The following RBM41 variants were observed in gnomAD, a reference collection of about 807,000 sequenced individuals.
RBM41 encodes the protein RNA binding motif protein 41.
Under a neutral mutation model 30.8 loss-of-function variants are expected in RBM41, and 14 were observed. The observed-to-expected ratio is 0.45, with a 90% CI of 0.30 to 0.71. The LOEUF (loss-of-function observed/expected upper bound fraction) is 0.71, where lower values mean the gene tolerates loss of function less well. Ranked by LOEUF, RBM41 falls within the 30% of genes least tolerant of loss-of-function variation. The pLI is 0.08. For synonymous variants in RBM41, 120 were observed against 110.1 expected (o/e 1.09, Z -0.56); for missense variants, 276 against 326.3 (o/e 0.85, Z 1.19).
In RBM41 at chrX:107,062,842, A is replaced by G. The variant is rs772598561; in HGVS notation, c.*4685T>C. ...TATACATAAATGAATGCTTTTGCAT[A>G]AAAATGTATTCATACTATACATATT... is the stretch of plus-strand genomic sequence containing the variant. On this transcript the variant is annotated 3_prime_UTR_variant, in exon 8 of 8. Coordinates refer to ENST00000685964, the MANE Select transcript of RBM41 (RefSeq NM_001324242.2). 2.7e-5 allele frequency among the ~76,000 whole-genome samples: 3 copies of G among 112,167 alleles called. No homozygotes were observed. In the Admixed American group the frequency reaches 2.8e-4, roughly 11 times the overall value.
chrX:107,092,267 CAA>C (rs541073895), intron 5 of RBM41, among the ~76,000 whole-genome samples: 1 of 86,878 alleles, frequency 1.2e-5, no homozygotes. Flanking sequence ...AGAGATGGAC[CAA>C]AAAAAAAAAA....
In RBM41 at chrX:107,106,052, G is replaced by A. The variant is rs1310481600; in HGVS notation, c.595+7345C>T. ...TTAAACTAAAGAGCTTCTGTACAGC[G>A]AAAGAAACTACCATCAGAGTGAACA... is the stretch of plus-strand genomic sequence containing the variant. On this transcript the variant is annotated intron_variant, in intron 5 of 7. Transcript: ENST00000685964. Among the ~76,000 whole-genome samples the A allele has an allele frequency of 1.1e-4, 12 of 111,393 alleles. No individual in the cohort carries two copies. In the East Asian group the frequency reaches 1.1e-3, roughly 10 times the overall value.
intron 5 of RBM41, among the ~76,000 whole-genome samples, chrX:107,089,342 A>G (rs1922317673): frequency 8.9e-6 from 1 of 111,945 alleles, no homozygotes; most frequent in African/African-American, 3.2e-5. Context: ...TTGATTAAAT[A>G]AACTACATTT....
At chrX:107,100,708 A>C (rs1923381739) in intron 5 of RBM41, among the ~76,000 whole-genome samples, 1 of 110,986 alleles carries the variant, frequency 9.0e-6, no homozygotes, top group South Asian at 3.8e-4. Context: ...ATTAAAGTTG[A>C]AGACAATGTG....
chrX:107,070,581 G>A (rs769023827), intron 6 of RBM41, among the ~76,000 whole-genome samples: 30 of 111,478 alleles, frequency 2.7e-4, no homozygotes, highest in Non-Finnish European at 4.7e-4. Context: ...TATAAAGTTG[G>A]GCATGGATTA....
the RBM41 span, among the ~76,000 whole-genome samples, chrX:107,056,880 C>CT: frequency 0.06 from 4,951 of 82,103 alleles, 361 homozygotes; most frequent in African/African-American, 0.22. Flanking sequence ...TAACTATTAT[C>CT]TTTTTTTTTT....
In RBM41 at chrX:107,116,844, T is replaced by C. The variant is rs984870984; in HGVS notation, c.9-78A>G. On this transcript the variant is annotated intron_variant, in intron 1 of 7. Coordinates refer to ENST00000685964, the MANE Select transcript of RBM41 (RefSeq NM_001324242.2). ...AAATATATTCCTTATCTATATTATC[T>C]ACCATTACTGACCCCATTTATTCAA... 4 of 957,966 alleles carry C rather than the reference T, an allele frequency of 4.2e-6. No homozygotes were observed. The African/African-American group carries it at 7.7e-5, about 18-fold the overall frequency. 78.9% of individuals were successfully genotyped at this position (957,966 alleles called of 1,213,427 possible). A position where few individuals can be genotyped will look rare whatever the true frequency, so the allele number is the denominator to read the frequency against.
intron 6 of RBM41, among the ~76,000 whole-genome samples, chrX:107,079,119 T>C (rs181851584): frequency 9.0e-6 from 1 of 111,526 alleles, no homozygotes; most frequent in Admixed American, 9.5e-5. Context: ...TACTGGTGTG[T>C]CCTTTCATTT....
chrX:107,109,006 T>C (rs1308204433), intron 5 of RBM41, among the ~76,000 whole-genome samples: 1 of 111,616 alleles, frequency 9.0e-6, no homozygotes, highest in Admixed American at 9.5e-5. Context: ...TTAATATAAT[T>C]GAAATTAAGT....
At chrX:107,079,812 A>T (rs898270064) in intron 6 of RBM41, among the ~76,000 whole-genome samples, 1 of 111,773 alleles carries the variant, frequency 8.9e-6, no homozygotes, top group Non-Finnish European at 1.9e-5. Flanking sequence ...AACCCTTGGC[A>T]GTCATTTATC....
At chrX:107,102,222 TAA>T (rs1923524660) in intron 5 of RBM41, among the ~76,000 whole-genome samples, 1 of 111,639 alleles carries the variant, frequency 9.0e-6, no homozygotes, top group African/African-American at 3.3e-5. Flanking sequence ...AAGTTTAACT[TAA>T]AAGTGACAAA....
intron 2 of RBM41, 115 bp from the exon 3 acceptor site, chrX:107,116,169 A>T: frequency 1.0e-6 from 1 of 1,002,226 alleles, no homozygotes. Context: ...TTTCTCTTAC[A>T]TCTTATTTCT....
At chrX:107,069,544 T>G in intron 6 of RBM41, 142 bp from the exon 7 acceptor site, 1 of 635,959 alleles carries the variant, frequency 1.6e-6, no homozygotes, top group Admixed American at 4.2e-5. Context: ...AACCTTGGCC[T>G]CCCAGGCTCA....
chrX:107,063,628 A>G lies in RBM41; in HGVS notation c.*3899T>C, dbSNP rs886311590. On this transcript the variant is annotated 3_prime_UTR_variant, in exon 8 of 8. Coordinates refer to ENST00000685964, the MANE Select transcript of RBM41 (RefSeq NM_001324242.2). ...TCCACTTCATTGATAATTTATTGAC[A>G]TAAAATTATTCATAATATGCCTTCA... Among the ~76,000 whole-genome samples, 46 of 111,974 alleles carry G rather than the reference A, an allele frequency of 4.1e-4. No individual in the cohort carries two copies. The highest frequency in any genetic ancestry group is 1.3e-4 in the Non-Finnish European group (7 of 53,222).
chrX:107,053,390 AG>A, the RBM41 span, among the ~76,000 whole-genome samples: 2 of 113,065 alleles, frequency 1.8e-5, no homozygotes, highest in Non-Finnish European at 3.7e-5. Flanking sequence ...ATGCATTGGG[AG>A]CTGGTTGTGT....
chrX:107,057,276 GTTCT>G (rs1174056505), downstream of RBM41, among the ~76,000 whole-genome samples: 2 of 110,920 alleles, frequency 1.8e-5, no homozygotes, highest in Non-Finnish European at 3.8e-5. Flanking sequence ...ATCTGAGATC[GTTCT>G]TTATTTAAAA....
At chrX:107,099,383 T>C (rs771223050) in intron 5 of RBM41, among the ~76,000 whole-genome samples, 1 of 111,874 alleles carries the variant, frequency 8.9e-6, no homozygotes, top group East Asian at 2.8e-4. Flanking sequence ...TTTAAAGTTA[T>C]TTATCTGCTG....
intron 5 of RBM41, among the ~76,000 whole-genome samples, chrX:107,107,674 T>G (rs1016489230): frequency 9.0e-6 from 1 of 111,471 alleles, no homozygotes; most frequent in Non-Finnish European, 1.9e-5. Flanking sequence ...ATGTGATACA[T>G]AGACAAGGAA....
chrX:107,087,603 G>A (rs1342355143), intron 6 of RBM41, among the ~76,000 whole-genome samples: 1 of 110,546 alleles, frequency 9.0e-6, no homozygotes, highest in African/African-American at 3.3e-5. Context: ...ATTTAGTTAC[G>A]TATTGGACAA....
Sources: allele counts gnomAD v4.1 joint callset (sites outside exome capture counted in the v4.1 genomes callset), GRCh38; gene constraint gnomAD v4.1.1; transcripts MANE v1.5; gene names NCBI Gene and HGNC (gene_info 2026-07-23, HGNC 2026-07-21).